ANKRD44: variants seen among roughly 807,000 people sequenced by gnomAD.
The protein encoded by ANKRD44 is ankyrin repeat domain 44, also known as serine/threonine-protein phosphatase 6 regulatory ankyrin repeat subunit B.
ANKRD44 carries 35 observed loss-of-function variants against 116.0 expected under a neutral mutation model. The observed-to-expected ratio is 0.30, with a 90% CI of 0.23 to 0.40. ANKRD44 has a LOEUF of 0.40. ANKRD44 is among the 10% of genes least tolerant of loss of function. The pLI, the probability that ANKRD44 is intolerant of heterozygous loss-of-function variation, is 1.00. For synonymous variants in ANKRD44, 435 were observed against 461.8 expected (o/e 0.94, Z 0.74); for missense variants, 1,014 against 1,242.6 (o/e 0.82, Z 2.77).
intron 1 of ANKRD44, among the ~76,000 whole-genome samples, chr2:197,285,237 C>T (rs939142942): frequency 6.6e-6 from 1 of 152,070 alleles, no homozygotes; most frequent in Admixed American, 6.5e-5. Flanking sequence ...AGCTCCACAA[C>T]CTCCCCAGCC....
intron 1 of ANKRD44, among the ~76,000 whole-genome samples, chr2:197,269,571 A>G (rs1366608700): frequency 1.3e-5 from 2 of 152,186 alleles, no homozygotes; most frequent in African/African-American, 4.8e-5. Context: ...AAGAAGGAGA[A>G]GATAGAATTG....
chr2:197,095,998 G>A (rs2078152616), intron 10 of ANKRD44, among the ~76,000 whole-genome samples: 1 of 152,180 alleles, frequency 6.6e-6, no homozygotes, highest in African/African-American at 2.4e-5. Flanking sequence ...ATAAAAATAA[G>A]TATATACTGA....
intron 1 of ANKRD44, among the ~76,000 whole-genome samples, chr2:197,216,793 G>A (rs2081454573): frequency 6.6e-6 from 1 of 151,110 alleles, no homozygotes; most frequent in Admixed American, 6.6e-5. Context: ...CAGCGTCCAG[G>A]AAGCACTACT....
At chr2:197,289,376 T>A (rs918662261) in intron 1 of ANKRD44, among the ~76,000 whole-genome samples, 1 of 152,188 alleles carries the variant, frequency 6.6e-6, no homozygotes, top group Admixed American at 6.5e-5. Flanking sequence ...CTTATAAACA[T>A]GCACTTATCA....
Position 197,234,546 on chromosome 2 carries a change from G to A in ANKRD44, c.28-47440C>T, listed in dbSNP as rs567757482. On this transcript the variant is annotated intron_variant, in intron 1 of 27. Coordinates refer to ENST00000282272, the MANE Select transcript of ANKRD44 (RefSeq NM_001195144.2). ...TTAAATAATTGGGATCATGCTTTAC[G>A]AATTGTTCTACAATTTGTTTTTTAA... Among the ~76,000 whole-genome samples the A allele has an allele frequency of 3.3e-5, 5 of 152,262 alleles. No individual in the cohort carries two copies. The East Asian group carries it at 5.8e-4, about 18-fold the overall frequency.
intron 16 of ANKRD44, among the ~76,000 whole-genome samples, chr2:197,054,722 G>C (rs2077171897): frequency 6.6e-6 from 1 of 152,142 alleles, no homozygotes; most frequent in Admixed American, 6.5e-5. Flanking sequence ...TTTCTGATGA[G>C]TATAAGGCCA....
At position 197,000,412 on chromosome 2, in the gene ANKRD44, T is replaced by G. The variant is rs1309599991; in HGVS notation, c.2519+7A>C. 1.2e-6 allele frequency: 2 copies of G among 1,611,824 alleles called. No homozygotes were observed. The highest frequency in any genetic ancestry group is 1.7e-6 in the Non-Finnish European group (2 of 1,178,050). ...AAGAAAAAAGCATGCTGTTTTAGAT[T>G]ACTTACCTGCCTTTGTCATCTCTAC... On this transcript the variant is annotated splice_region_variant and intron_variant, in intron 23 of 27. Transcript: ENST00000282272.
intron 16 of ANKRD44, among the ~76,000 whole-genome samples, chr2:197,044,308 G>A (rs756901446): frequency 5.9e-5 from 9 of 152,150 alleles, no homozygotes; most frequent in Non-Finnish European, 1.3e-4. Context: ...CAGTTTTAAA[G>A]TATAACCATA....
At chr2:197,293,634 G>T (rs2083633320) in intron 1 of ANKRD44, among the ~76,000 whole-genome samples, 1 of 152,148 alleles carries the variant, frequency 6.6e-6, no homozygotes, top group African/African-American at 2.4e-5. Context: ...GAGGGCATGG[G>T]AAAGCCTTAG....
chr2:197,183,715 G>A (rs1040244553), intron 2 of ANKRD44, among the ~76,000 whole-genome samples: 4 of 152,100 alleles, frequency 2.6e-5, no homozygotes, highest in Non-Finnish European at 4.4e-5. Context: ...AAAAGGGCCT[G>A]TGGATCCCAA....
At chr2:196,977,930 G>A (rs1394576678) in intron 21 of ANKRD44, among the ~76,000 whole-genome samples, 2 of 151,976 alleles carry the variant, frequency 1.3e-5, no homozygotes, top group South Asian at 2.1e-4. Flanking sequence ...ATTCATGATC[G>A]CTCAAAAGTA....
rs185910335 is a variant in ANKRD44, at chr2:196,993,848, C to G, written c.2832-174G>C. ...CAGATCTTTTCCAGGTGCTAATGGT[C>G]CAACTGTTGTTGTATGTTTGGCCCA... On this transcript the variant is annotated intron_variant, in intron 26 of 27. Coordinates refer to ENST00000282272, the MANE Select transcript of ANKRD44 (RefSeq NM_001195144.2). 3.0e-3 allele frequency among the ~76,000 whole-genome samples: 464 copies of G among 152,330 alleles called. 2 individuals carry two copies. Among genetic ancestry groups the G allele is most frequent in the African/African-American group, 0.011 (437 of 41,580 alleles).
At chr2:197,026,210 C>T (rs2076592310) in intron 16 of ANKRD44, among the ~76,000 whole-genome samples, 1 of 152,184 alleles carries the variant, frequency 6.6e-6, no homozygotes, top group African/African-American at 2.4e-5. Context: ...ACACTGTTCC[C>T]TGCACTGATA....
At chr2:197,164,589 GC>G (rs35546574) in intron 2 of ANKRD44, among the ~76,000 whole-genome samples, 2 of 152,180 alleles carry the variant, frequency 1.3e-5, no homozygotes, top group Non-Finnish European at 2.9e-5. Context: ...TGCGCGGTGA[GC>G]CCCCTCCCCT....
At position 197,103,334 on chromosome 2, in the gene ANKRD44, C is replaced by T. The variant is rs182640209; in HGVS notation, c.986-3404G>A. On this transcript the variant is annotated intron_variant, in intron 9 of 27. Transcript: ENST00000282272. ...TATACCCTGGTAACAAAGAAATTGACACATGTTTTCTATACGTGAAAGGTT... is the reference window on the plus strand; with the variant it reads ...TATACCCTGGTAACAAAGAAATTGATACATGTTTTCTATACGTGAAAGGTT... Among the ~76,000 whole-genome samples, 79 of 151,588 alleles carry T rather than the reference C, an allele frequency of 5.2e-4. 1 individual carries two copies. The Middle Eastern group carries it at 0.01, about 20-fold the overall frequency.
intron 18 of ANKRD44, among the ~76,000 whole-genome samples, chr2:197,011,941 C>T (rs74722024): frequency 0.082 from 12,465 of 152,276 alleles, 674 homozygotes; most frequent in African/African-American, 0.15. Flanking sequence ...CAGCCTCTTC[C>T]TATGAGTGAC....
At chr2:197,086,822 C>A in intron 12 of ANKRD44, 74 bp from the exon 13 acceptor site, 1 of 1,403,706 alleles carries the variant, frequency 7.1e-7, no homozygotes, top group South Asian at 1.2e-5. Context: ...GAGCTATTTT[C>A]TGCAGAGTAC....
At chr2:197,107,208 T>C (rs1183471910) in intron 9 of ANKRD44, among the ~76,000 whole-genome samples, 6 of 152,250 alleles carry the variant, frequency 3.9e-5, no homozygotes, top group Non-Finnish European at 7.3e-5. Context: ...CTTGGAAGGA[T>C]TGTGAGCCAA....
chr2:197,185,809 A>T (rs1446327518), intron 2 of ANKRD44, among the ~76,000 whole-genome samples: 1 of 152,224 alleles, frequency 6.6e-6, no homozygotes, highest in East Asian at 1.9e-4. Context: ...TTCAGAGGGC[A>T]CACAGGATGC....
Sources: gnomAD v4.1 joint callset for allele counts (sites outside exome capture counted in the v4.1 genomes callset) on GRCh38, gnomAD v4.1.1 for gene constraint, MANE v1.5 for transcripts, NCBI Gene and HGNC (gene_info 2026-07-23, HGNC 2026-07-21) for gene names.